The following SLC12A1 variants were observed in gnomAD, a reference collection of about 807,000 sequenced individuals.
SLC12A1 encodes the protein Na-K-2Cl cotransporter.
In SLC12A1, 89 loss-of-function variants were observed where a neutral mutation model predicts 130.4. The ratio of observed to expected loss-of-function variants is 0.68; its 90% confidence interval spans 0.58 to 0.81. SLC12A1 has a LOEUF of 0.81. Among genes scored for constraint, SLC12A1 ranks in the 40% least tolerant of loss-of-function variants. The pLI is 0.00. For synonymous variants in SLC12A1, 499 were observed against 460.0 expected, an observed-to-expected ratio of 1.08 and a Z score of -1.09; for missense variants, 1,310 against 1,336.4, an observed-to-expected ratio of 0.98 and a Z score of 0.31.
chr15:48,271,856 A>T (rs1310586129), intron 19 of SLC12A1, among the ~76,000 whole-genome samples: 1 of 152,222 alleles, frequency 6.6e-6, no homozygotes, highest in Non-Finnish European at 1.5e-5. Context: ...CATTCTTGGA[A>T]ATTGACCAGA....
chr15:48,260,333 C>G (rs1204638299), intron 17 of SLC12A1, among the ~76,000 whole-genome samples: 1 of 86,338 alleles, frequency 1.2e-5, no homozygotes, highest in Non-Finnish European at 2.2e-5. Context: ...TATTCCCTCT[C>G]TCTCTCTCTC....
chr15:48,257,634 C>A (rs2041722993), intron 16 of SLC12A1, among the ~76,000 whole-genome samples: 1 of 152,220 alleles, frequency 6.6e-6, no homozygotes, highest in Admixed American at 6.5e-5. Flanking sequence ...CCAAGCTATA[C>A]CTTGGCCCCT....
At chr15:48,219,989 A>T (rs2041180908) in intron 2 of SLC12A1, among the ~76,000 whole-genome samples, 1 of 151,624 alleles carries the variant, frequency 6.6e-6, no homozygotes, top group African/African-American at 2.4e-5. Context: ...TGTGCCTGTA[A>T]TCCCAGCTAC....
chr15:48,237,222 A>T, intron 9 of SLC12A1: 1 of 561,800 alleles, frequency 1.8e-6, no homozygotes, highest in Admixed American at 3.3e-5. Flanking sequence ...GAAGAGACGG[A>T]CATTTGAAAC....
At chr15:48,211,060 G>A (rs917277195) in intron 2 of SLC12A1, among the ~76,000 whole-genome samples, 2 of 151,970 alleles carry the variant, frequency 1.3e-5, no homozygotes, top group African/African-American at 4.8e-5. Flanking sequence ...TTAAAAATTA[G>A]GCCTAAGCTC....
chr15:48,251,660 T>A lies in SLC12A1; in HGVS notation c.1832T>A (p.Phe611Tyr). The A allele has an allele frequency of 6.2e-7, 1 of 1,613,836 alleles. No homozygotes were observed. Among genetic ancestry groups the A allele is most frequent in the Non-Finnish European group, 8.5e-7 (1 of 1,179,730 alleles). ...ATTTACAACATGTGGGTATCTCTTT[T>A]TGGAGCTGTTTTGTGCTGTGCAGTC... is the stretch of plus-strand genomic sequence containing the variant. ...YGIYNMWVSL[F>Y]GAVLCCAVMF... The change falls in exon 15 of 27, where the codon TTT becomes TAT. Residue 611 changes from phenylalanine to tyrosine, a missense_variant. By Grantham distance (22) the Phe-to-Tyr change is conservative. Coordinates refer to ENST00000380993, the MANE Select transcript of SLC12A1 (RefSeq NM_000338.3).
chr15:48,221,121 T>G, intron 4 of SLC12A1, 125 bp downstream of exon 4: 2 of 909,308 alleles, frequency 2.2e-6, no homozygotes, highest in Non-Finnish European at 3.5e-6. Flanking sequence ...TTGGGCTCCT[T>G]TTACTTTGCT....
intron 20 of SLC12A1, among the ~76,000 whole-genome samples, chr15:48,274,917 CA>C (rs1262930026): frequency 6.6e-6 from 1 of 152,200 alleles, no homozygotes; most frequent in African/African-American, 2.4e-5. Context: ...ACAAAGCCAG[CA>C]TCAAGGAAAA....
intron 9 of SLC12A1, among the ~76,000 whole-genome samples, chr15:48,237,541 A>T (rs1218880733): frequency 1.3e-5 from 2 of 152,224 alleles, no homozygotes; most frequent in African/African-American, 4.8e-5. Context: ...CTGAGTTCAC[A>T]TGTAAAGAAA....
chr15:48,264,176 C>G (rs77898027), intron 17 of SLC12A1, among the ~76,000 whole-genome samples: 1 of 152,084 alleles, frequency 6.6e-6, no homozygotes, highest in East Asian at 1.9e-4. Flanking sequence ...TTTTCTTATT[C>G]ATTAATGTTA....
At chr15:48,207,317 T>C (rs1458029333) in intron 1 of SLC12A1, among the ~76,000 whole-genome samples, 1 of 152,240 alleles carries the variant, frequency 6.6e-6, no homozygotes, top group Non-Finnish European at 1.5e-5. Flanking sequence ...AACATTTTAA[T>C]GACTGCATTG....
At chr15:48,270,368 C>T (rs1490222126) in intron 19 of SLC12A1, among the ~76,000 whole-genome samples, 1 of 151,978 alleles carries the variant, frequency 6.6e-6, no homozygotes, top group Non-Finnish European at 1.5e-5. Flanking sequence ...ATGTCTTTAA[C>T]ATGTATTATC....
Position 48,251,722 on chromosome 15 carries a change from T to C in SLC12A1, c.1894T>C (p.Tyr632His), listed in dbSNP as rs761999742. The C allele has an allele frequency of 3.7e-5, 59 of 1,613,804 alleles. No individual in the cohort carries two copies. The highest frequency in any genetic ancestry group is 1.2e-4 in the Admixed American group (7 of 60,012). The change falls in exon 15 of 27, where the codon TAT (tyrosine) becomes CAT (histidine). Residue 632 changes from tyrosine to histidine, a missense_variant. By Grantham distance (83) the Tyr-to-His change is moderately conservative. Transcript: ENST00000380993. The part of the protein sequence containing the change: ...VINWWAAVIT[Y>H]VIEFFLYVYV... ...CAACTGGTGGGCAGCTGTCATCACC[T>C]ATGTCATTGAATTCTTCCTTTACGT...
At chr15:48,262,453 GA>G (rs1382957586) in intron 17 of SLC12A1, among the ~76,000 whole-genome samples, 1 of 152,106 alleles carries the variant, frequency 6.6e-6, no homozygotes. Context: ...ATCATTATTT[GA>G]AATTAAGAGA....
chr15:48,235,204 C>A, intron 9 of SLC12A1, 200 bp downstream of exon 9: 1 of 651,960 alleles, frequency 1.5e-6, no homozygotes, highest in South Asian at 1.7e-5. Flanking sequence ...TTCCAAAAGT[C>A]TTATTCAGTG....
chr15:48,226,918 A>G, intron 5 of SLC12A1: 1 of 615,182 alleles, frequency 1.6e-6, no homozygotes, highest in Non-Finnish European at 2.9e-6. Flanking sequence ...AGTACATTTC[A>G]GGTGCTTCCT....
chr15:48,216,834 T>C (rs1295797981), intron 2 of SLC12A1, among the ~76,000 whole-genome samples: 1 of 152,226 alleles, frequency 6.6e-6, no homozygotes. Context: ...AGCTGCCGTA[T>C]GTGTATAGAA....
intron 24 of SLC12A1, among the ~76,000 whole-genome samples, chr15:48,296,066 T>C (rs1250405190): frequency 6.6e-6 from 1 of 152,194 alleles, no homozygotes; most frequent in Non-Finnish European, 1.5e-5. Flanking sequence ...GGCTAAGGCT[T>C]AGAGAATAGA....
At chr15:48,261,360 T>A (rs1219863859) in intron 17 of SLC12A1, among the ~76,000 whole-genome samples, 1 of 152,214 alleles carries the variant, frequency 6.6e-6, no homozygotes, top group Non-Finnish European at 1.5e-5. Context: ...TGGAATATCA[T>A]TTCATTTGAA....
Sources: allele counts gnomAD v4.1 joint callset (sites outside exome capture counted in the v4.1 genomes callset), GRCh38; gene constraint gnomAD v4.1.1; transcripts MANE v1.5; gene names NCBI Gene and HGNC (gene_info 2026-07-23, HGNC 2026-07-21).